Variants in UBAC2 observed in about 807,000 individuals in gnomAD.
UBAC2 encodes the protein UBA domain containing 2.
A neutral mutation model predicts 44.0 loss-of-function variants in UBAC2; 26 were observed. The observed-to-expected ratio is 0.59, with a 90% CI of 0.43 to 0.82. UBAC2 has a LOEUF of 0.82. UBAC2 is among the 40% of genes least tolerant of loss of function. UBAC2 has a pLI of 0.00. For missense variants in UBAC2, 329 were observed against 419.4 expected, an observed-to-expected ratio of 0.78 and a Z score of 1.88; for synonymous variants, 155 against 154.3, an observed-to-expected ratio of 1.00 and a Z score of -0.04.
chr13:99,350,773 A>G (rs1405731623), intron 7 of UBAC2, among the ~76,000 whole-genome samples: 1 of 152,256 alleles, frequency 6.6e-6, no homozygotes, highest in East Asian at 1.9e-4. Flanking sequence ...TTAGAACCGC[A>G]GGTTAGGTCT....
intron 7 of UBAC2, among the ~76,000 whole-genome samples, chr13:99,360,140 G>C (rs749151270): frequency 3.9e-5 from 6 of 152,188 alleles, no homozygotes; most frequent in Non-Finnish European, 1.5e-5. Flanking sequence ...CGAGCAGTCA[G>C]CTCAGGCTGC....
At chr13:99,212,772 C>G (rs1176075051) in intron 1 of UBAC2, among the ~76,000 whole-genome samples, 1 of 152,148 alleles carries the variant, frequency 6.6e-6, no homozygotes, top group East Asian at 1.9e-4. Flanking sequence ...TATAAATACA[C>G]ATTTTTAAAG....
chr13:99,312,184 CG>C (rs1397154518), intron 4 of UBAC2, among the ~76,000 whole-genome samples: 3 of 152,206 alleles, frequency 2.0e-5, no homozygotes, highest in Non-Finnish European at 4.4e-5. Flanking sequence ...TTTAAAATAA[CG>C]TAGTCTCTAT....
intron 4 of UBAC2, among the ~76,000 whole-genome samples, chr13:99,264,217 G>A (rs1314154584): frequency 6.6e-6 from 1 of 152,178 alleles, no homozygotes. Flanking sequence ...GAAGGAACCA[G>A]GGAAATGTAC....
At chr13:99,281,446 G>A (rs1462338638) in intron 4 of UBAC2, among the ~76,000 whole-genome samples, 1 of 152,048 alleles carries the variant, frequency 6.6e-6, no homozygotes, top group African/African-American at 2.4e-5. Context: ...GATACCATGT[G>A]TCCGGCATTG....
At chr13:99,246,162 T>G (rs1431180437) in intron 4 of UBAC2, among the ~76,000 whole-genome samples, 3 of 152,248 alleles carry the variant, frequency 2.0e-5, no homozygotes, top group Admixed American at 2.0e-4. Context: ...TTGTTAATGT[T>G]TACAGTGTAG....
chr13:99,244,737 TAA>T, intron 4 of UBAC2, 113 bp downstream of exon 4: 1 of 564,162 alleles, frequency 1.8e-6, no homozygotes, highest in Non-Finnish European at 2.9e-6. Context: ...TAGATATAGT[TAA>T]ATTGATTTTA....
At chr13:99,266,817 T>TGG (rs2043750004) in intron 4 of UBAC2, among the ~76,000 whole-genome samples, 1 of 152,220 alleles carries the variant, frequency 6.6e-6, no homozygotes, top group Non-Finnish European at 1.5e-5. Flanking sequence ...ACTGAAAGCC[T>TGG]GTACCCATCA....
intron 4 of UBAC2, among the ~76,000 whole-genome samples, chr13:99,289,700 A>G (rs2138704105): frequency 6.6e-6 from 1 of 152,236 alleles, no homozygotes; most frequent in Admixed American, 6.5e-5. Context: ...TAACCCTGAA[A>G]TCACAGTGGC....
chr13:99,300,391 T>C (rs1399477071), intron 4 of UBAC2, among the ~76,000 whole-genome samples: 1 of 152,258 alleles, frequency 6.6e-6, no homozygotes, highest in Admixed American at 6.5e-5. Flanking sequence ...GGCCCTAATA[T>C]GTCACTTTAG....
chr13:99,252,960 A>G (rs1262916893), intron 4 of UBAC2, among the ~76,000 whole-genome samples: 1 of 151,908 alleles, frequency 6.6e-6, no homozygotes, highest in Non-Finnish European at 1.5e-5. Context: ...TTAAGAGTAG[A>G]TTCATCTGTA....
At chr13:99,338,039 C>CTTGTTTCTTTTTTTTTTGTTTTTT (rs2044817888) in intron 6 of UBAC2, among the ~76,000 whole-genome samples, 1 of 91,562 alleles carries the variant, frequency 1.1e-5, no homozygotes, top group Non-Finnish European at 1.9e-5. Flanking sequence ...AACTTTTTTT[C>CTTGTTTCTTTTTTTTTTGTTTTTT]TTTTTTTCTT....
At chr13:99,299,260 C>T (rs1359084130) in intron 4 of UBAC2, among the ~76,000 whole-genome samples, 1 of 152,088 alleles carries the variant, frequency 6.6e-6, no homozygotes, top group Non-Finnish European at 1.5e-5. Flanking sequence ...GTTCAAATAT[C>T]CTTCATTAGG....
chr13:99,326,547 C>T (rs949966956), intron 6 of UBAC2, among the ~76,000 whole-genome samples: 3 of 152,162 alleles, frequency 2.0e-5, no homozygotes, highest in Non-Finnish European at 2.9e-5. Flanking sequence ...AAAATAATTT[C>T]TGTACTATAA....
intron 1 of UBAC2, among the ~76,000 whole-genome samples, chr13:99,205,394 G>A (rs761164970): frequency 2.0e-5 from 3 of 152,132 alleles, no homozygotes; most frequent in Non-Finnish European, 4.4e-5. Context: ...GGTTACTCTT[G>A]GTCACGGAGC....
intron 6 of UBAC2, among the ~76,000 whole-genome samples, chr13:99,334,176 G>A (rs758460772): frequency 2.6e-5 from 4 of 151,908 alleles, no homozygotes; most frequent in African/African-American, 7.3e-5. Flanking sequence ...GCCCAGGCTG[G>A]TCTTGAACTC....
intron 4 of UBAC2, among the ~76,000 whole-genome samples, chr13:99,273,539 T>C (rs2043844676): frequency 1.3e-5 from 2 of 152,068 alleles, no homozygotes; most frequent in Admixed American, 6.5e-5. Flanking sequence ...GAGGAAGAAA[T>C]GATTAAGGAA....
At chr13:99,268,704 G>A (rs1331174112) in intron 4 of UBAC2, among the ~76,000 whole-genome samples, 3 of 151,716 alleles carry the variant, frequency 2.0e-5, no homozygotes, top group Non-Finnish European at 4.4e-5. Flanking sequence ...AAAATCAGCT[G>A]TAGAGGCACT....
At chr13:99,217,413 C>T (rs1157815961) in intron 1 of UBAC2, among the ~76,000 whole-genome samples, 1 of 152,232 alleles carries the variant, frequency 6.6e-6, no homozygotes, top group Non-Finnish European at 1.5e-5. Flanking sequence ...TGCCTGCCCT[C>T]TTTCTCCAAC....
Sources: allele counts gnomAD v4.1 joint callset (sites outside exome capture counted in the v4.1 genomes callset), GRCh38; gene constraint gnomAD v4.1.1; transcripts MANE v1.5; gene names NCBI Gene and HGNC (gene_info 2026-07-23, HGNC 2026-07-21).